Variants in SLC35F1 observed in about 807,000 individuals in gnomAD.
The protein encoded by SLC35F1 is chromosome 6 open reading frame 169.
SLC35F1 carries 14 observed loss-of-function variants against 48.7 expected under a neutral mutation model. The observed-to-expected ratio is 0.29, with a 90% confidence interval of 0.19 to 0.45. SLC35F1 has a LOEUF of 0.45. Ranked by LOEUF, SLC35F1 falls within the 20% of genes least tolerant of loss-of-function variation. The probability of loss-of-function intolerance (pLI) is 1.00; values close to 1 mark genes in which losing one functional copy is unlikely to be tolerated. For synonymous variants in SLC35F1, 190 were observed against 202.2 expected, an observed-to-expected ratio of 0.94 and a Z score of 0.51; for missense variants, 404 against 500.0, an observed-to-expected ratio of 0.81 and a Z score of 1.83.
chr6:117,988,919 T>C (rs960010752), intron 1 of SLC35F1, among the ~76,000 whole-genome samples: 2 of 152,222 alleles, frequency 1.3e-5, no homozygotes, highest in South Asian at 2.1e-4. Flanking sequence ...TTAAAAGTGG[T>C]TAAAATGGGC....
chr6:118,144,646 T>C (rs1773944783), intron 1 of SLC35F1, among the ~76,000 whole-genome samples: 1 of 151,732 alleles, frequency 6.6e-6, no homozygotes, highest in Non-Finnish European at 1.5e-5. Flanking sequence ...GTCAGTTGTC[T>C]CTAAAGTAAG....
intron 1 of SLC35F1, among the ~76,000 whole-genome samples, chr6:118,047,210 T>G (rs1772313629): frequency 6.6e-6 from 1 of 152,174 alleles, no homozygotes; most frequent in South Asian, 2.1e-4. Context: ...AGTTCTATGG[T>G]AGATGTGTCA....
chr6:118,173,457 G>A (rs1421523260), intron 2 of SLC35F1, among the ~76,000 whole-genome samples: 1 of 151,270 alleles, frequency 6.6e-6, no homozygotes, highest in African/African-American at 2.4e-5. Flanking sequence ...GGACCGGTGA[G>A]GCAGATTATA....
At position 118,291,242 on chromosome 6, in the gene SLC35F1, T is replaced by TACAC. The variant is rs10603708; in HGVS notation, c.1002+5944_1002+5947dup. 3.7e-3 allele frequency among the ~76,000 whole-genome samples: 551 copies of TACAC among 148,662 alleles called. 4 individuals carry two copies. The highest frequency in any genetic ancestry group is 0.019 in the Admixed American group (278 of 14,828). On this transcript the variant is annotated intron_variant, in intron 7 of 7. Coordinates refer to ENST00000360388, the MANE Select transcript of SLC35F1 (RefSeq NM_001029858.4). ...GTGGGAGAAGCAGCTGTATCATGTA[T>TACAC]ACACACACACACACACACACACACA... is the stretch of plus-strand genomic sequence containing the variant.
chr6:118,042,445 T>A (rs888197628), intron 1 of SLC35F1, among the ~76,000 whole-genome samples: 1 of 152,132 alleles, frequency 6.6e-6, no homozygotes, highest in Non-Finnish European at 1.5e-5. Context: ...ATGAAGAAGG[T>A]CATCTCAGAC....
intron 2 of SLC35F1, among the ~76,000 whole-genome samples, chr6:118,204,415 G>A (rs1345360813): frequency 1.3e-5 from 2 of 152,140 alleles, no homozygotes; most frequent in African/African-American, 2.4e-5. Flanking sequence ...CTTTGGGGAA[G>A]GTTATGATCA....
chr6:118,262,526 C>T (rs1005043243), intron 3 of SLC35F1, among the ~76,000 whole-genome samples: 2 of 152,176 alleles, frequency 1.3e-5, no homozygotes, highest in African/African-American at 4.8e-5. Context: ...GTAATGTCAG[C>T]ATGAACCTTT....
At chr6:118,095,852 G>A (rs538937810) in intron 1 of SLC35F1, among the ~76,000 whole-genome samples, 86 of 152,274 alleles carry the variant, frequency 5.6e-4, no homozygotes, top group Non-Finnish European at 1.1e-3. Context: ...GCCAGGAGTG[G>A]TGGAAGGTAG....
chr6:118,004,655 G>A (rs1262589301), intron 1 of SLC35F1, among the ~76,000 whole-genome samples: 2 of 152,070 alleles, frequency 1.3e-5, no homozygotes, highest in African/African-American at 4.8e-5. Flanking sequence ...TCAAACTTCT[G>A]GGTTCAAGTG....
At chr6:118,286,403 T>G (rs1409317312) in intron 7 of SLC35F1, among the ~76,000 whole-genome samples, 3 of 152,130 alleles carry the variant, frequency 2.0e-5, no homozygotes, top group Non-Finnish European at 4.4e-5. Flanking sequence ...ATGTACTTGA[T>G]ATGATCAGGG....
chr6:118,028,394 G>A (rs1771988769), intron 1 of SLC35F1, among the ~76,000 whole-genome samples: 1 of 152,096 alleles, frequency 6.6e-6, no homozygotes, highest in Admixed American at 6.6e-5. Context: ...GGATAATAGG[G>A]CTATGTGGAA....
intron 2 of SLC35F1, among the ~76,000 whole-genome samples, chr6:118,172,488 T>A (rs1774421069): frequency 1.3e-5 from 2 of 152,118 alleles, no homozygotes; most frequent in Admixed American, 1.3e-4. Flanking sequence ...TAATGAATGT[T>A]ATATAGAAGT....
Position 118,290,852 on chromosome 6 carries a change from T to A in SLC35F1, c.1002+5514T>A, listed in dbSNP as rs966978134. On this transcript the variant is annotated intron_variant, in intron 7 of 7. Transcript: ENST00000360388. The stretch of plus-strand genomic sequence containing the variant: ...CTCTGTTGCCCAAGCTGGAGTACAG[T>A]GGTGCGATCTCGGTTCACCACAACC... Among the ~76,000 whole-genome samples the A allele has an allele frequency of 1.4e-4, 21 of 151,206 alleles. 3 individuals are homozygous for A. The highest frequency in any genetic ancestry group is 7.3e-4 in the Admixed American group (11 of 15,160).
chr6:118,113,232 G>A (rs999461967), intron 1 of SLC35F1, among the ~76,000 whole-genome samples: 1 of 152,116 alleles, frequency 6.6e-6, no homozygotes, highest in Non-Finnish European at 1.5e-5. Context: ...GGCTGCAAGT[G>A]TGTGCCACCA....
At chr6:118,013,951 A>G (rs1298395492) in intron 1 of SLC35F1, among the ~76,000 whole-genome samples, 3 of 152,198 alleles carry the variant, frequency 2.0e-5, no homozygotes, top group South Asian at 4.1e-4. Context: ...GTGTTATACA[A>G]ATTCAGAATA....
intron 1 of SLC35F1, among the ~76,000 whole-genome samples, chr6:117,981,798 C>T (rs191419144): frequency 7.9e-5 from 12 of 152,168 alleles, no homozygotes; most frequent in Admixed American, 2.6e-4. Flanking sequence ...TATATTCATA[C>T]CACAACCTAC....
intron 1 of SLC35F1, among the ~76,000 whole-genome samples, chr6:118,031,033 C>T (rs1235374402): frequency 1.3e-5 from 2 of 151,924 alleles, no homozygotes; most frequent in African/African-American, 2.4e-5. Context: ...CCTACATACC[C>T]CTCTCCCCAC....
chr6:117,963,764 GT>G (rs1463468658), intron 1 of SLC35F1, among the ~76,000 whole-genome samples: 1 of 151,986 alleles, frequency 6.6e-6, no homozygotes, highest in Admixed American at 6.6e-5. Flanking sequence ...AAACATGATT[GT>G]TTTTGCTTGT....
At chr6:117,979,819 G>A (rs1776752946) in intron 1 of SLC35F1, among the ~76,000 whole-genome samples, 1 of 152,146 alleles carries the variant, frequency 6.6e-6, no homozygotes. Context: ...GTATCCATGG[G>A]ATCCAGCTGA....
Sources: gnomAD v4.1 joint callset for allele counts (sites outside exome capture counted in the v4.1 genomes callset) on GRCh38, gnomAD v4.1.1 for gene constraint, MANE v1.5 for transcripts, NCBI Gene and HGNC (gene_info 2026-07-23, HGNC 2026-07-21) for gene names.